Variants in PPIP5K2 observed in about 807,000 individuals in gnomAD.
PPIP5K2 encodes the protein diphosphoinositol pentakisphosphate kinase 2.
In PPIP5K2, 105 loss-of-function variants were observed where a neutral mutation model predicts 154.6. The ratio of observed to expected loss-of-function variants is 0.68; its 90% CI spans 0.58 to 0.80. The LOEUF is 0.80. PPIP5K2 is among the 30% of genes least tolerant of loss of function. The pLI, the probability that PPIP5K2 is intolerant of heterozygous loss-of-function variation, is 0.00. For synonymous variants in PPIP5K2, 480 were observed against 490.3 expected, an observed-to-expected ratio of 0.98 and a Z score of 0.28; for missense variants, 992 against 1,504.6, an observed-to-expected ratio of 0.66 and a Z score of 5.64.
chr5:103,173,181 A>G lies in PPIP5K2; in HGVS notation c.2313A>G (p.Lys771=). 1 of 1,608,384 alleles carries G rather than the reference A, an allele frequency of 6.2e-7. No individual in the cohort carries two copies. The highest frequency in any genetic ancestry group is 8.5e-7 in the Non-Finnish European group (1 of 1,177,422). Residue 771 remains lysine, a synonymous_variant, in exon 20 of 31, where the codon AAA becomes AAG. Coordinates refer to ENST00000358359, the MANE Select transcript of PPIP5K2 (RefSeq NM_001276277.3). The part of the protein sequence containing the change: ...PQEYGITKAE[K]LEIAKGYCTP... The stretch of plus-strand genomic sequence containing the variant: ...AATATGGTATAACTAAAGCTGAAAA[A>G]CTGGAGATTGCCAAAGGCTACTGTA...
At chr5:103,132,280 G>A (rs113837844) in intron 2 of PPIP5K2, among the ~76,000 whole-genome samples, 6,458 of 152,196 alleles carry the variant, frequency 0.042, 447 homozygotes, top group African/African-American at 0.15. Context: ...GGTAGCTCAC[G>A]CCTGTAATCC....
chr5:103,190,811 AT>A, intron 28 of PPIP5K2, 30 bp from the exon 29 acceptor site: 1 of 1,544,710 alleles, frequency 6.5e-7, no homozygotes, highest in Non-Finnish European at 8.7e-7. Flanking sequence ...TCCATCTTTT[AT>A]TTTTTGTTTT....
intron 1 of PPIP5K2, among the ~76,000 whole-genome samples, chr5:103,128,330 G>A (rs1450850699): frequency 6.6e-6 from 1 of 152,104 alleles, no homozygotes; most frequent in Non-Finnish European, 1.5e-5. Flanking sequence ...CAGGAAGCAA[G>A]TACATGTAAA....
chr5:103,167,329 GT>G lies in PPIP5K2; in HGVS notation c.2062+14del. The G allele has an allele frequency of 1.9e-6, 3 of 1,543,880 alleles. No homozygotes were observed. Among genetic ancestry groups the G allele is most frequent in the Middle Eastern group, 1.8e-4 (1 of 5,712 alleles). Reference sequence around the variant, plus strand: ...AGATCCTAAATCATCAGGTAAATATGTTTTTCTTAGAGCATAGAACAAATAA... The same window carrying G: ...AGATCCTAAATCATCAGGTAAATATGTTTTCTTAGAGCATAGAACAAATAA... On this transcript the variant is annotated intron_variant, in intron 18 of 30. Coordinates refer to ENST00000358359, the MANE Select transcript of PPIP5K2 (RefSeq NM_001276277.3).
chr5:103,174,543 G>A (rs1798421756), intron 21 of PPIP5K2, among the ~76,000 whole-genome samples: 1 of 152,012 alleles, frequency 6.6e-6, no homozygotes, highest in African/African-American at 2.4e-5. Context: ...TGTCAGCTGG[G>A]ACCTCAGCTG....
intron 21 of PPIP5K2, among the ~76,000 whole-genome samples, chr5:103,175,396 A>G (rs1484315330): frequency 1.8e-5 from 2 of 112,662 alleles, no homozygotes; most frequent in East Asian, 2.6e-4. Context: ...GGGAAAAAAA[A>G]TGACCCTTAA....
chr5:103,185,389 A>T (rs952548863), intron 26 of PPIP5K2, among the ~76,000 whole-genome samples: 1 of 152,178 alleles, frequency 6.6e-6, no homozygotes, highest in Non-Finnish European at 1.5e-5. Context: ...TAATAAAGGC[A>T]TAAACAGATC....
At chr5:103,162,740 A>C (rs557797087) in intron 17 of PPIP5K2, among the ~76,000 whole-genome samples, 49 of 152,160 alleles carry the variant, frequency 3.2e-4, no homozygotes, top group African/African-American at 1.1e-3. Context: ...GGGTCAATGC[A>C]TTTTAATATA....
chr5:103,142,331 GC>G (rs1245343541), intron 5 of PPIP5K2, among the ~76,000 whole-genome samples: 4 of 152,266 alleles, frequency 2.6e-5, no homozygotes, highest in East Asian at 1.9e-4. Context: ...CGAGTGCGGG[GC>G]CCGCCAAGCC....
intron 29 of PPIP5K2, 37 bp downstream of exon 29, chr5:103,191,019 C>T: frequency 6.3e-7 from 1 of 1,585,190 alleles, no homozygotes; most frequent in Non-Finnish European, 8.6e-7. Flanking sequence ...TATTTAGTTG[C>T]TGGGCAACTA....
chr5:103,191,755 T>C (rs913217760), intron 29 of PPIP5K2, among the ~76,000 whole-genome samples: 2 of 152,094 alleles, frequency 1.3e-5, no homozygotes, highest in African/African-American at 4.8e-5. Flanking sequence ...CTGCCAGTTG[T>C]CGTTTTCAGC....
At chr5:103,149,092 TTA>T in intron 7 of PPIP5K2, 58 bp from the exon 8 acceptor site, 1 of 1,198,680 alleles carries the variant, frequency 8.3e-7, no homozygotes. Flanking sequence ...TGTCTGTTGG[TTA>T]CACACACACA....
At position 103,183,297 on chromosome 5, in the gene PPIP5K2, G is replaced by A. The variant is rs1799861883; in HGVS notation, c.2986G>A (p.Gly996Ser). 7 of 1,596,216 alleles carry A rather than the reference G, an allele frequency of 4.4e-6. No individual in the cohort carries two copies. Among genetic ancestry groups the A allele is most frequent in the Non-Finnish European group, 4.3e-6 (5 of 1,174,182 alleles). ...GTGTWLHYTS[G>S]VGTGRRRRRS... ...TGGTACCTGGCTGCATTATACCAGT[G>A]GTGTGGGTACTGGGCGTCGAAGACG... The change falls in exon 25 of 31, where the codon GGT (glycine) becomes AGT (serine). Residue 996 changes from glycine to serine, a missense_variant. By Grantham distance (56) the Gly-to-Ser change is moderately conservative (BLOSUM62 0). Transcript: ENST00000358359.
intron 1 of PPIP5K2, among the ~76,000 whole-genome samples, chr5:103,127,690 C>T (rs1223420091): frequency 1.3e-5 from 2 of 152,148 alleles, no homozygotes; most frequent in Non-Finnish European, 2.9e-5. Flanking sequence ...CAGGGTGTTA[C>T]TATACTCCCT....
intron 5 of PPIP5K2, among the ~76,000 whole-genome samples, chr5:103,141,438 G>A (rs565298028): frequency 7.2e-5 from 11 of 152,184 alleles, no homozygotes; most frequent in African/African-American, 2.7e-4. Context: ...GCTGGGCTCA[G>A]GTGTGAAGCT....
chr5:103,149,065 T>C, intron 7 of PPIP5K2, 87 bp from the exon 8 acceptor site: 2 of 1,064,696 alleles, frequency 1.9e-6, no homozygotes, highest in Non-Finnish European at 2.5e-6. Flanking sequence ...TTTTAGTAAT[T>C]TTTTCATTGT....
chr5:103,175,948 C>G (rs1554220839), intron 21 of PPIP5K2, among the ~76,000 whole-genome samples: 2 of 152,106 alleles, frequency 1.3e-5, no homozygotes, highest in African/African-American at 4.8e-5. Flanking sequence ...TTCATTATCC[C>G]AACTCTTATT....
intron 5 of PPIP5K2, among the ~76,000 whole-genome samples, chr5:103,140,811 T>C (rs1307011135): frequency 7.3e-6 from 1 of 136,698 alleles, no homozygotes; most frequent in Non-Finnish European, 1.5e-5. Flanking sequence ...CACTCCCGCC[T>C]GGGCGACAGA....
intron 2 of PPIP5K2, among the ~76,000 whole-genome samples, chr5:103,131,430 C>T (rs1426096337): frequency 6.6e-6 from 1 of 151,952 alleles, no homozygotes; most frequent in Non-Finnish European, 1.5e-5. Context: ...AGTACAGATG[C>T]TTTTTTTCCC....
Sources: allele counts gnomAD v4.1 joint callset (sites outside exome capture counted in the v4.1 genomes callset), GRCh38; gene constraint gnomAD v4.1.1; transcripts MANE v1.5; gene names NCBI Gene and HGNC (gene_info 2026-07-23, HGNC 2026-07-21).